The following SVOP variants were observed in gnomAD, a reference collection of about 807,000 sequenced individuals.
SVOP encodes SV2 related protein, also known as synaptic vesicle 2-related protein.
In SVOP, 17 loss-of-function variants were observed where a neutral mutation model predicts 69.1. That is an observed-to-expected ratio of 0.25 (90% CI 0.17 to 0.37). The LOEUF is 0.37. SVOP is among the 10% of genes least tolerant of loss of function. The pLI, the probability that SVOP is intolerant of heterozygous loss-of-function variation, is 1.00. For synonymous variants in SVOP, 238 were observed against 238.6 expected, an observed-to-expected ratio of 1.00 and a Z score of 0.02; for missense variants, 435 against 597.5, an observed-to-expected ratio of 0.73 and a Z score of 2.84.
Position 108,918,025 on chromosome 12 carries a change from C to A in SVOP, c.1350+18G>T. 2 of 1,553,542 alleles carry A rather than the reference C, an allele frequency of 1.3e-6. No individual in the cohort carries two copies. Among genetic ancestry groups the A allele is most frequent in the South Asian group, 2.4e-5 (2 of 82,814 alleles). ...CCCCACTGCCCGTTCCCCAGCAGCTCCCAGACACCCCTCCTACCTCAGGTG... is the reference window on the plus strand; with the variant it reads ...CCCCACTGCCCGTTCCCCAGCAGCTACCAGACACCCCTCCTACCTCAGGTG... On this transcript the variant is annotated intron_variant, in intron 14 of 15. Transcript: ENST00000610966.
chr12:108,982,765 CA>C (rs1593198949), intron 2 of SVOP, among the ~76,000 whole-genome samples: 1,915 of 82,764 alleles, frequency 0.023, 11 homozygotes, highest in Middle Eastern at 0.059. Context: ...TCACTATCAT[CA>C]ACATCACCAC....
chr12:108,940,945 GCATGGTC>G, intron 7 of SVOP, 36 bp from the exon 8 acceptor site: 7 of 1,532,572 alleles, frequency 4.6e-6, no homozygotes, highest in Non-Finnish European at 6.1e-6. Flanking sequence ...GGTGGGGGTA[GCATGGTC>G]CATACAGAGA....
rs1035880688 is a variant in SVOP at position 108,967,606 on chromosome 12, C to T, written c.453+4799G>A. ...CGGATGCCACATCACTGCAACTTGG[C>T]GATATTGTTTGCACATGTTTTCTAG... is the stretch of plus-strand genomic sequence containing the variant. On this transcript the variant is annotated intron_variant, in intron 5 of 15. Coordinates refer to ENST00000610966, the MANE Select transcript of SVOP (RefSeq NM_018711.5). Among the ~76,000 whole-genome samples, 24 of 152,158 alleles carry T rather than the reference C, an allele frequency of 1.6e-4. 1 individual carries two copies. The highest frequency in any genetic ancestry group is 1.6e-3 in the Admixed American group (24 of 15,268).
Position 108,909,711 on chromosome 12 carries a change from C to T in SVOP, c.*2824G>A, listed in dbSNP as rs1018358508. The T allele has an allele frequency of 6.6e-6, 1 of 152,128 alleles. No individual in the cohort carries two copies. Among genetic ancestry groups the T allele is most frequent in the African/African-American group, 2.4e-5 (1 of 41,426 alleles). 9.4% of individuals were successfully genotyped at this position (152,128 alleles called of 1,614,324 possible). ...GTACGAGAAAAACAGAAATATATAG[C>T]TCTGGCTACATTAAATATCTTTTGC... On this transcript the variant is annotated 3_prime_UTR_variant, in exon 16 of 16. Transcript: ENST00000610966.
intron 1 of SVOP, among the ~76,000 whole-genome samples, chr12:108,994,918 C>T (rs928703978): frequency 6.6e-6 from 1 of 152,092 alleles, no homozygotes; most frequent in African/African-American, 2.4e-5. Flanking sequence ...GAGAGAATTG[C>T]TTGATCAAGC....
chr12:108,913,707 G>A (rs1171593149), intron 15 of SVOP, among the ~76,000 whole-genome samples: 2 of 152,148 alleles, frequency 1.3e-5, no homozygotes, highest in African/African-American at 4.8e-5. Context: ...GGAGTGCAGT[G>A]GTGCAATCTT....
chr12:109,009,707 G>A (rs759498168), intron 1 of SVOP, among the ~76,000 whole-genome samples: 8 of 152,224 alleles, frequency 5.3e-5, no homozygotes, highest in Non-Finnish European at 1.2e-4. Context: ...GAGCCATGGC[G>A]CCTGGCCCTA....
At chr12:108,945,248 G>A in intron 6 of SVOP, 82 bp from the exon 7 acceptor site, 2 of 1,326,954 alleles carry the variant, frequency 1.5e-6, no homozygotes, top group South Asian at 1.3e-5. Context: ...ATTTGCAGCC[G>A]ACATTCCTCC....
chr12:108,934,392 G>T (rs2039843634), intron 10 of SVOP, 121 bp from the exon 11 acceptor site: 4 of 748,142 alleles, frequency 5.3e-6, no homozygotes, highest in East Asian at 5.6e-5. Context: ...GCTTCACTGG[G>T]ATTTTGGGGG....
intron 2 of SVOP, among the ~76,000 whole-genome samples, chr12:108,981,918 C>G (rs973969346): frequency 6.6e-6 from 1 of 151,752 alleles, no homozygotes; most frequent in Admixed American, 6.6e-5. Flanking sequence ...CTATCAGCAT[C>G]ACCACCACTA....
chr12:108,998,687 T>C (rs1240952374), intron 1 of SVOP, among the ~76,000 whole-genome samples: 1 of 151,862 alleles, frequency 6.6e-6, no homozygotes, highest in African/African-American at 2.4e-5. Flanking sequence ...ATTTTCAACC[T>C]AGAATTTCAT....
rs1025281582 is a variant in SVOP at position 108,909,655 on chromosome 12, G to A, written c.*2880C>T. 6.6e-6 allele frequency: 1 copy of A among 152,082 alleles called. No homozygotes were observed. Among genetic ancestry groups the A allele is most frequent in the Admixed American group, 6.5e-5 (1 of 15,274 alleles). The allele number at this position is 152,082 out of a possible 1,614,324, so 9.4% of individuals were successfully genotyped here. A position where few individuals can be genotyped will look rare whatever the true frequency, so the allele number is the denominator to read the frequency against. ...TTCATCCCATTGTGAACACCACCAA[G>A]GTCAGTTATATGTTTTTCAGAATAC... On this transcript the variant is annotated 3_prime_UTR_variant, in exon 16 of 16. Coordinates refer to ENST00000610966, the MANE Select transcript of SVOP (RefSeq NM_018711.5).
chr12:108,992,319 T>C (rs1242313739), intron 1 of SVOP, among the ~76,000 whole-genome samples: 2 of 150,760 alleles, frequency 1.3e-5, no homozygotes, highest in Non-Finnish European at 2.9e-5. Context: ...GGCAAGAGGA[T>C]CACTTCAGTC....
chr12:108,945,024 T>C, intron 7 of SVOP, 79 bp downstream of exon 7: 1 of 1,344,286 alleles, frequency 7.4e-7, no homozygotes, highest in Non-Finnish European at 1.0e-6. Context: ...CCCTTTTCCT[T>C]GACCTGTGGT....
intron 1 of SVOP, among the ~76,000 whole-genome samples, chr12:108,984,316 T>C (rs973298089): frequency 0.32 from 49,207 of 152,006 alleles, 8,421 homozygotes; most frequent in African/African-American, 0.42. Flanking sequence ...CCACGCCTGG[T>C]GCCAAAATTT....
At chr12:108,932,321 T>C (rs1156755893) in intron 11 of SVOP, among the ~76,000 whole-genome samples, 3 of 152,166 alleles carry the variant, frequency 2.0e-5, no homozygotes, top group Admixed American at 6.5e-5. Context: ...CCAGCCATAA[T>C]TTTAACCTAT....
At chr12:108,939,489 A>G (rs1030794380) in intron 8 of SVOP, among the ~76,000 whole-genome samples, 5 of 152,204 alleles carry the variant, frequency 3.3e-5, no homozygotes, top group Admixed American at 6.5e-5. Flanking sequence ...CCAACCCCAA[A>G]TGACTACATA....
At position 108,922,811 on chromosome 12, in the gene SVOP, A is replaced by G; in HGVS notation, c.1049-14T>C. On this transcript the variant is annotated splice_polypyrimidine_tract_variant and intron_variant, in intron 11 of 15. Transcript: ENST00000610966. ...TCCGACTGGAGACTGGGGTTGGGAG[A>G]GAGAAAGAGAGGGGGAGACATATAC... 6.4e-7 allele frequency: 1 copy of G among 1,572,226 alleles called. No individual in the cohort carries two copies. The highest frequency in any genetic ancestry group is 8.7e-7 in the Non-Finnish European group (1 of 1,152,376).
At chr12:108,947,657 T>G (rs2039932922) in intron 6 of SVOP, among the ~76,000 whole-genome samples, 1 of 152,176 alleles carries the variant, frequency 6.6e-6, no homozygotes, top group Non-Finnish European at 1.5e-5. Flanking sequence ...CCTTTTCACT[T>G]CCTCAGACTT....
Sources: allele counts gnomAD v4.1 joint callset (sites outside exome capture counted in the v4.1 genomes callset), GRCh38; gene constraint gnomAD v4.1.1; transcripts MANE v1.5; gene names NCBI Gene and HGNC (gene_info 2026-07-23, HGNC 2026-07-21).